Variants in HNRNPC observed in about 807,000 individuals in gnomAD.
The protein encoded by HNRNPC is heterogeneous nuclear ribonucleoprotein C.
In HNRNPC, 3 loss-of-function variants were observed where a neutral mutation model predicts 33.2. The observed-to-expected ratio is 0.09, with a 90% CI of 0.04 to 0.23. The LOEUF is 0.23. Among genes scored for constraint, HNRNPC ranks in the 10% least tolerant of loss-of-function variants. HNRNPC has a pLI of 1.00. For synonymous variants in HNRNPC, 121 were observed against 126.7 expected, an observed-to-expected ratio of 0.96 and a Z score of 0.30; for missense variants, 143 against 366.7, an observed-to-expected ratio of 0.39 and a Z score of 4.98.
At position 21,211,820 on chromosome 14, in the gene HNRNPC, G is replaced by A. The variant is rs1201860361; in HGVS notation, c.627C>T (p.Ser209=). ...ENLEKIEKEQ[S]KQAVEMKNDK... ...AGAAAACCCATTTACCTGCTTGTTT[G>A]CTCTGTTCCTTTTCAATTTTTTCCA... is the stretch of plus-strand genomic sequence containing the variant. The change falls in exon 7 of 9, where the codon AGC becomes AGT. Residue 209 remains serine, a synonymous_variant. Coordinates refer to ENST00000553300, the MANE Select transcript of HNRNPC (RefSeq NM_004500.4). 1.9e-6 allele frequency: 3 copies of A among 1,611,910 alleles called. No individual in the cohort carries two copies. The highest frequency in any genetic ancestry group is 1.7e-5 in the Admixed American group (1 of 59,990).
intron 2 of HNRNPC, among the ~76,000 whole-genome samples, chr14:21,243,391 G>C (rs911866774): frequency 6.6e-6 from 1 of 152,138 alleles, no homozygotes; most frequent in Admixed American, 6.6e-5. Flanking sequence ...GTTGCTATCC[G>C]AAGAGTGGGG....
At chr14:21,242,756 T>A (rs1479404424) in intron 2 of HNRNPC, among the ~76,000 whole-genome samples, 1 of 152,186 alleles carries the variant, frequency 6.6e-6, no homozygotes, top group Non-Finnish European at 1.5e-5. Flanking sequence ...TGTGACACAC[T>A]TAAACACGCA....
intron 5 of HNRNPC, among the ~76,000 whole-genome samples, chr14:21,219,347 T>C (rs892094899): frequency 3.9e-5 from 6 of 152,154 alleles, no homozygotes; most frequent in Non-Finnish European, 4.4e-5. Context: ...AAATCTGATG[T>C]AGGAATTATA....
intron 5 of HNRNPC, among the ~76,000 whole-genome samples, chr14:21,225,189 G>A (rs1208859568): frequency 6.6e-6 from 1 of 151,942 alleles, no homozygotes; most frequent in Admixed American, 6.6e-5. Flanking sequence ...GGGAGGGCGA[G>A]GTGGGCAGAT....
chr14:21,266,840 C>T (rs1879063615), intron 1 of HNRNPC, among the ~76,000 whole-genome samples: 1 of 151,798 alleles, frequency 6.6e-6, no homozygotes, highest in Admixed American at 6.6e-5. Flanking sequence ...CCTGTAATAC[C>T]AGCACCTTGG....
chr14:21,254,495 T>C (rs1876781924), intron 2 of HNRNPC: 2 of 152,208 alleles, frequency 1.3e-5, no homozygotes, highest in African/African-American at 2.4e-5. Flanking sequence ...AAAAATGTTC[T>C]ATGAGCATGT....
In HNRNPC at chr14:21,210,147, A is replaced by C. The variant is rs546755497; in HGVS notation, c.*1076T>G. On this transcript the variant is annotated 3_prime_UTR_variant, in exon 9 of 9. Coordinates refer to ENST00000553300, the MANE Select transcript of HNRNPC (RefSeq NM_004500.4). ...GTAATTAAAAGAACAAAATAGAAGCAGGGGGGTTCCATTATGCAGCTGTCG... is the reference window on the plus strand; with the variant it reads ...GTAATTAAAAGAACAAAATAGAAGCCGGGGGGTTCCATTATGCAGCTGTCG... 2.0e-5 allele frequency: 3 copies of C among 152,168 alleles called. No individual in the cohort carries two copies. Among genetic ancestry groups the C allele is most frequent in the Non-Finnish European group, 4.4e-5 (3 of 68,030 alleles). The allele number at this position is 152,168 out of a possible 1,614,324, so 9.4% of individuals were successfully genotyped here. A position where few individuals can be genotyped will look rare whatever the true frequency, so the allele number is the denominator to read the frequency against.
At chr14:21,262,203 T>G (rs886789823) in intron 2 of HNRNPC, among the ~76,000 whole-genome samples, 3 of 152,102 alleles carry the variant, frequency 2.0e-5, no homozygotes, top group Non-Finnish European at 4.4e-5. Flanking sequence ...ATTAATGAGA[T>G]AAAAAGTCTA....
At chr14:21,236,363 C>A (rs1894697183) in intron 2 of HNRNPC, 1 of 151,880 alleles carries the variant, frequency 6.6e-6, no homozygotes, top group Non-Finnish European at 1.5e-5. Flanking sequence ...AATAAAATAC[C>A]CATACTTACT....
intron 2 of HNRNPC, among the ~76,000 whole-genome samples, chr14:21,259,975 G>A (rs1365070869): frequency 1.3e-5 from 2 of 150,090 alleles, no homozygotes; most frequent in Non-Finnish European, 1.5e-5. Context: ...CGAGGCGGGC[G>A]GATCACGAGG....
intron 1 of HNRNPC, among the ~76,000 whole-genome samples, chr14:21,267,124 A>ACC: frequency 6.8e-6 from 1 of 147,714 alleles, no homozygotes; most frequent in Non-Finnish European, 1.5e-5. Flanking sequence ...AAAAAAAAAA[A>ACC]AAACAAAACT....
intron 2 of HNRNPC, among the ~76,000 whole-genome samples, chr14:21,235,294 CAAA>C (rs1894569502): frequency 6.6e-6 from 1 of 152,072 alleles, no homozygotes; most frequent in South Asian, 2.1e-4. Context: ...TGATAAATCT[CAAA>C]AGATTCCAGT....
chr14:21,257,096 A>G (rs1266882786), intron 2 of HNRNPC, among the ~76,000 whole-genome samples: 1 of 152,246 alleles, frequency 6.6e-6, no homozygotes, highest in African/African-American at 2.4e-5. Context: ...AGGCATGAAC[A>G]TCAGGAGCAC....
intron 2 of HNRNPC, among the ~76,000 whole-genome samples, chr14:21,249,000 G>A (rs1004967344): frequency 6.6e-6 from 1 of 152,216 alleles, no homozygotes; most frequent in African/African-American, 2.4e-5. Context: ...TGACGTGGAG[G>A]AGCATAACCA....
chr14:21,266,758 G>A (rs1184639571), intron 1 of HNRNPC, among the ~76,000 whole-genome samples: 1 of 151,192 alleles, frequency 6.6e-6, no homozygotes, highest in Non-Finnish European at 1.5e-5. Flanking sequence ...CTTGAAGACT[G>A]AAATAATGTG....
In HNRNPC at chr14:21,260,412, G is replaced by A. The variant is rs1878027771; in HGVS notation, c.-37+2899C>T. Among the ~76,000 whole-genome samples, 11 of 147,954 alleles carry A rather than the reference G, an allele frequency of 7.4e-5. No individual in the cohort carries two copies. In the South Asian group the frequency reaches 2.4e-3, roughly 32 times the overall value. On this transcript the variant is annotated intron_variant, in intron 2 of 8. Transcript: ENST00000553300. ...AAAATCCCTTTATGTGATTAAGGTAGAAGGAATAAATTTATAAATTTAAAG... is the reference window on the plus strand; with the variant it reads ...AAAATCCCTTTATGTGATTAAGGTAAAAGGAATAAATTTATAAATTTAAAG...
intron 2 of HNRNPC, among the ~76,000 whole-genome samples, chr14:21,246,115 C>T (rs1468693669): frequency 1.3e-5 from 2 of 152,114 alleles, no homozygotes; most frequent in Non-Finnish European, 2.9e-5. Flanking sequence ...TGAACCACCA[C>T]ACCTGGCCTG....
At chr14:21,266,521 A>C (rs1215014055) in intron 1 of HNRNPC, among the ~76,000 whole-genome samples, 1 of 152,002 alleles carries the variant, frequency 6.6e-6, no homozygotes, top group African/African-American at 2.4e-5. Flanking sequence ...ATAACCTATG[A>C]TAGTAAATGT....
At chr14:21,235,892 C>T (rs1261799170) in intron 2 of HNRNPC, among the ~76,000 whole-genome samples, 1 of 151,900 alleles carries the variant, frequency 6.6e-6, no homozygotes, top group Non-Finnish European at 1.5e-5. Context: ...CGTAAGCCAA[C>T]ACAGAATACT....
Sources: gnomAD v4.1 joint callset for allele counts (sites outside exome capture counted in the v4.1 genomes callset) on GRCh38, gnomAD v4.1.1 for gene constraint, MANE v1.5 for transcripts, NCBI Gene and HGNC (gene_info 2026-07-23, HGNC 2026-07-21) for gene names.